Variants in ZMIZ1 observed in about 807,000 individuals in gnomAD.
ZMIZ1 encodes zinc finger MIZ domain-containing protein 1.
Under a neutral mutation model 113.9 loss-of-function variants are expected in ZMIZ1, and 17 were observed. That is an observed-to-expected ratio of 0.15 (90% CI 0.10 to 0.22). ZMIZ1 has a LOEUF of 0.22. ZMIZ1 is among the 10% of genes least tolerant of loss of function. ZMIZ1 has a pLI of 1.00. For missense variants in ZMIZ1, 1,059 were observed against 1,477.8 expected, an observed-to-expected ratio of 0.72 and a Z score of 4.65; for synonymous variants, 607 against 603.1, an observed-to-expected ratio of 1.01 and a Z score of -0.09.
rs1201865498 is a variant in ZMIZ1, at chr10:79,311,195, G to T, written c.3096+11G>T. 1.0e-5 allele frequency: 16 copies of T among 1,603,004 alleles called. No individual in the cohort carries two copies. The highest frequency in any genetic ancestry group is 1.3e-5 in the Non-Finnish European group (15 of 1,174,256). ...GAGCCTTCGCTGGATGTAAGTTGGG[G>T]TCGCCACTCGCCTTGGCCTGGGGCT... On this transcript the variant is annotated intron_variant, in intron 24 of 24. Transcript: ENST00000334512.
rs748272089 is a variant in ZMIZ1 at position 79,292,251 on chromosome 10, A to G, written c.852A>G (p.Ala284=). ...ADFTQPAAAA[A]AAAVAAAAAT... Reference sequence around the variant, plus strand: ...TCACTCAGCCCGCGGCAGCCGCTGCAGCAGCGGCAGTGGCAGCAGCAGCAG... The same window carrying G: ...TCACTCAGCCCGCGGCAGCCGCTGCGGCAGCGGCAGTGGCAGCAGCAGCAG... The change falls in exon 11 of 25, where the codon GCA becomes GCG. Residue 284 remains alanine, a synonymous_variant. Coordinates refer to ENST00000334512, the MANE Select transcript of ZMIZ1 (RefSeq NM_020338.4). The G allele has an allele frequency of 1.3e-5, 21 of 1,612,294 alleles. No homozygotes were observed. Among genetic ancestry groups the G allele is most frequent in the South Asian group, 7.7e-5 (7 of 91,038 alleles).
At position 79,259,413 on chromosome 10, in the gene ZMIZ1, C is replaced by T. The variant is rs141027680; in HGVS notation, c.281-17768C>T. ...AGCCCAACTCCCCAGAACCCTTCAACAGGGCTTCATCGTGCACCGTGTGGC... is the reference window on the plus strand; with the variant it reads ...AGCCCAACTCCCCAGAACCCTTCAATAGGGCTTCATCGTGCACCGTGTGGC... On this transcript the variant is annotated intron_variant, in intron 7 of 24. Transcript: ENST00000334512. Among the ~76,000 whole-genome samples, 351 of 152,286 alleles carry T rather than the reference C, an allele frequency of 2.3e-3. 3 individuals are homozygous for T. Among genetic ancestry groups the T allele is most frequent in the South Asian group, 0.013 (62 of 4,826 alleles).
At chr10:79,206,448 TG>T (rs759865956) in intron 5 of ZMIZ1, among the ~76,000 whole-genome samples, 47 of 152,318 alleles carry the variant, frequency 3.1e-4, no homozygotes, top group Admixed American at 4.6e-4. Context: ...AGGAATCAGC[TG>T]ATTTGCATGG....
chr10:79,232,716 C>T (rs1010643452), intron 7 of ZMIZ1, among the ~76,000 whole-genome samples: 1 of 152,152 alleles, frequency 6.6e-6, no homozygotes, highest in Non-Finnish European at 1.5e-5. Flanking sequence ...GTTTTAGATG[C>T]TAGGCAAAAT....
At chr10:79,282,574 G>A (rs566514247) in intron 8 of ZMIZ1, among the ~76,000 whole-genome samples, 8 of 152,196 alleles carry the variant, frequency 5.3e-5, no homozygotes, top group Non-Finnish European at 7.4e-5. Flanking sequence ...TTGGCACTGC[G>A]GCATGAGGCT....
At chr10:79,128,180 A>C (rs1405495939) in intron 2 of ZMIZ1, among the ~76,000 whole-genome samples, 1 of 152,118 alleles carries the variant, frequency 6.6e-6, no homozygotes. Context: ...GTACCTGTCC[A>C]GGTTGACTAC....
intron 3 of ZMIZ1, among the ~76,000 whole-genome samples, chr10:79,145,978 G>C (rs1414830065): frequency 1.3e-5 from 2 of 152,212 alleles, no homozygotes; most frequent in Non-Finnish European, 2.9e-5. Flanking sequence ...AATGTGCTGG[G>C]ATTATAGATG....
At chr10:79,211,688 CTT>C (rs952787089) in intron 6 of ZMIZ1, among the ~76,000 whole-genome samples, 1 of 152,222 alleles carries the variant, frequency 6.6e-6, no homozygotes, top group East Asian at 1.9e-4. Context: ...CATCTTGAGA[CTT>C]AAGGATGCGG....
At chr10:79,222,018 G>A (rs1304344550) in intron 7 of ZMIZ1, among the ~76,000 whole-genome samples, 1 of 152,240 alleles carries the variant, frequency 6.6e-6, no homozygotes, top group African/African-American at 2.4e-5. Flanking sequence ...CCTGAGACAG[G>A]TCGTCAGAAC....
chr10:79,191,280 A>G (rs940052965), intron 4 of ZMIZ1, among the ~76,000 whole-genome samples: 1 of 151,978 alleles, frequency 6.6e-6, no homozygotes, highest in African/African-American at 2.4e-5. Flanking sequence ...GGGGGTAGGG[A>G]GGGGACAATG....
intron 4 of ZMIZ1, among the ~76,000 whole-genome samples, chr10:79,172,123 A>G (rs1420554570): frequency 1.3e-5 from 2 of 152,154 alleles, no homozygotes; most frequent in Non-Finnish European, 2.9e-5. Flanking sequence ...CAGGGCTCAC[A>G]GCAGCTCAGC....
intron 7 of ZMIZ1, among the ~76,000 whole-genome samples, chr10:79,269,183 C>T (rs557363253): frequency 1.3e-5 from 2 of 152,260 alleles, no homozygotes; most frequent in African/African-American, 2.4e-5. Context: ...TGCGGAGTGG[C>T]GCCACTCTCA....
intron 7 of ZMIZ1, among the ~76,000 whole-genome samples, chr10:79,269,845 T>C (rs1238445183): frequency 6.6e-6 from 1 of 152,194 alleles, no homozygotes; most frequent in Non-Finnish European, 1.5e-5. Flanking sequence ...AAGTGCAGCC[T>C]GGCGAGGAAG....
intron 3 of ZMIZ1, among the ~76,000 whole-genome samples, chr10:79,147,209 G>T (rs1217739784): frequency 2.6e-5 from 4 of 152,132 alleles, no homozygotes; most frequent in Non-Finnish European, 5.9e-5. Context: ...GCCTGGGCTG[G>T]GGAATGGCCT....
chr10:79,304,234 G>A, intron 19 of ZMIZ1, 59 bp downstream of exon 19: 12 of 1,577,844 alleles, frequency 7.6e-6, no homozygotes. Context: ...CTGGGATGGT[G>A]AGGGGTAGGC....
intron 4 of ZMIZ1, among the ~76,000 whole-genome samples, chr10:79,186,966 C>T (rs555877468): frequency 2.0e-5 from 3 of 152,326 alleles, no homozygotes; most frequent in South Asian, 4.1e-4. Context: ...CACCTGGCTC[C>T]ACCTCTCCTC....
chr10:79,169,108 CT>C (rs747538578), intron 4 of ZMIZ1, among the ~76,000 whole-genome samples: 31 of 152,334 alleles, frequency 2.0e-4, no homozygotes, highest in Non-Finnish European at 3.5e-4. Flanking sequence ...TTCATAACCT[CT>C]GTGAATTGCT....
rs765560437 is a variant in ZMIZ1, at chr10:79,291,163, G to A, written c.745G>A (p.Gly249Ser). 2.5e-6 allele frequency: 4 copies of A among 1,610,616 alleles called. No homozygotes were observed. The Admixed American group carries it at 6.7e-5, about 27-fold the overall frequency. The stretch of plus-strand genomic sequence containing the variant: ...CCGGCCCAACTACCCCGGCAGCGGG[G>A]GCTTTGGGGCCAGGTGAGCAGGGCT... Reference protein sequence around the residue: ...YGRPNYPGSGGFGASYPGGPN... With the variant: ...YGRPNYPGSGSFGASYPGGPN... Residue 249 changes from glycine to serine, a missense_variant, in exon 10 of 25, where the codon GGC becomes AGC. Physicochemically the swap from Gly to Ser is moderately conservative, Grantham distance 56. Transcript: ENST00000334512.
At chr10:79,236,111 C>A (rs180969037) in intron 7 of ZMIZ1, among the ~76,000 whole-genome samples, 52 of 152,366 alleles carry the variant, frequency 3.4e-4, no homozygotes, top group Non-Finnish European at 5.9e-4. Flanking sequence ...ACATGGTTTC[C>A]AGGCACGATG....
Sources: allele counts gnomAD v4.1 joint callset (sites outside exome capture counted in the v4.1 genomes callset), GRCh38; gene constraint gnomAD v4.1.1; transcripts MANE v1.5; gene names NCBI Gene and HGNC (gene_info 2026-07-23, HGNC 2026-07-21).